TOP3A: variants seen among roughly 807,000 people sequenced by gnomAD.
The protein encoded by TOP3A is DNA topoisomerase III alpha, also known as DNA topoisomerase 3-alpha.
TOP3A carries 64 observed loss-of-function variants against 111.3 expected under a neutral mutation model. The observed-to-expected ratio is 0.57, with a 90% CI of 0.47 to 0.71. The LOEUF is 0.71. TOP3A is among the 30% of genes least tolerant of loss of function. The probability of loss-of-function intolerance (pLI) is 0.00; values close to 1 mark genes in which losing one functional copy is unlikely to be tolerated. For missense variants in TOP3A, 1,104 were observed against 1,285.0 expected (o/e 0.86, Z 2.15); for synonymous variants, 484 against 485.1 (o/e 1.00, Z 0.03).
In TOP3A at chr17:18,279,263, A is replaced by T. The variant is rs529283982; in HGVS notation, c.2145-906T>A. Among the ~76,000 whole-genome samples the T allele has an allele frequency of 1.4e-3, 209 of 149,624 alleles. No homozygotes were observed. In the South Asian group the frequency reaches 0.014, roughly 10 times the overall value. On this transcript the variant is annotated intron_variant, in intron 17 of 18. Transcript: ENST00000321105. ...CATTTACTAGAAATAAATTATTAAA[A>T]TTTTTTTTTTTGAGACAGAGTATCA...
In TOP3A at chr17:18,302,428, G is replaced by A. The variant is rs1039325534; in HGVS notation, c.650C>T (p.Ala217Val). 3.8e-6 allele frequency: 6 copies of A among 1,599,314 alleles called. No individual in the cohort carries two copies. The highest frequency in any genetic ancestry group is 1.7e-5 in the Admixed American group (1 of 58,316). ...RQELDLRIGA[A>V]FTRFQTLRLQ... ...CCGCAGGGTCTGGAACCTAGTAAAG[G>A]CAGCTCCTGGAGAGTGAAGGAGAGT... Residue 217 changes from alanine (A) to valine (V), a missense_variant, in exon 7 of 19, where the codon GCC becomes GTC. Coordinates refer to ENST00000321105, the MANE Select transcript of TOP3A (RefSeq NM_004618.5).
At chr17:18,308,825 G>A (rs1981742584) in intron 2 of TOP3A, 57 bp downstream of exon 2, 3 of 1,176,106 alleles carry the variant, frequency 2.6e-6, no homozygotes, top group Middle Eastern at 1.9e-4. Flanking sequence ...ATATGACGAG[G>A]CTGACTACTT....
chr17:18,287,696 A>T (rs561437164), intron 13 of TOP3A, among the ~76,000 whole-genome samples: 1 of 152,048 alleles, frequency 6.6e-6, no homozygotes, highest in East Asian at 1.9e-4. Flanking sequence ...TATCTCTCCA[A>T]AACAAATTTT....
chr17:18,280,687 A>C, intron 16 of TOP3A, 29 bp from the exon 17 acceptor site: 1 of 1,611,140 alleles, frequency 6.2e-7, no homozygotes, highest in Non-Finnish European at 8.5e-7. Flanking sequence ...GTCAGATGAT[A>C]GGAGTGCAGG....
At chr17:18,300,841 G>T (rs1181802095) in intron 8 of TOP3A, among the ~76,000 whole-genome samples, 1 of 152,220 alleles carries the variant, frequency 6.6e-6, no homozygotes, top group African/African-American at 2.4e-5. Context: ...AAAGGGTGGA[G>T]TGAGAGAGAG....
At chr17:18,305,521 G>A (rs986884175) in intron 4 of TOP3A, among the ~76,000 whole-genome samples, 2 of 151,764 alleles carry the variant, frequency 1.3e-5, no homozygotes, top group Non-Finnish European at 2.9e-5. Flanking sequence ...CACTTCGAGA[G>A]GTTCTGATTA....
intron 9 of TOP3A, among the ~76,000 whole-genome samples, chr17:18,298,345 C>G (rs1420801583): frequency 6.7e-6 from 1 of 148,378 alleles, no homozygotes; most frequent in Non-Finnish European, 1.5e-5. Context: ...AGGGTCAGCC[C>G]CCCGCCCGGC....
rs1981106707 is a variant in TOP3A at position 18,299,741 on chromosome 17, G to A, written c.916-108C>T. 5 of 1,023,334 alleles carry A rather than the reference G, an allele frequency of 4.9e-6. No individual in the cohort carries two copies. The Admixed American group carries it at 8.7e-5, about 18-fold the overall frequency. The allele number at this position is 1,023,334 out of a possible 1,614,324, so 63.4% of individuals were successfully genotyped here. A position where few individuals can be genotyped will look rare whatever the true frequency, so the allele number is the denominator to read the frequency against. On this transcript the variant is annotated intron_variant, in intron 8 of 18. Transcript: ENST00000321105. ...TTCTAGATCACACTGACCACCGCCAGCTAAGCCCGCAGTGACAGCCTAGAA... is the reference window on the plus strand; with the variant it reads ...TTCTAGATCACACTGACCACCGCCAACTAAGCCCGCAGTGACAGCCTAGAA...
intron 17 of TOP3A, 108 bp downstream of exon 17, chr17:18,280,428 C>A: frequency 7.5e-7 from 1 of 1,333,530 alleles, no homozygotes; most frequent in Non-Finnish European, 1.0e-6. Flanking sequence ...TACGCCCCTG[C>A]AGGGCCTGAG....
chr17:18,274,419 G>C lies in TOP3A; in HGVS notation c.*383C>G, dbSNP rs115214429. 0.024 allele frequency: 4,049 copies of C among 166,912 alleles called. 172 individuals carry two copies. Among genetic ancestry groups the C allele is most frequent in the African/African-American group, 0.085 (3,561 of 42,090 alleles). 10.3% of individuals were successfully genotyped at this position (166,912 alleles called of 1,614,324 possible). A position where few individuals can be genotyped will look rare whatever the true frequency, so the allele number is the denominator to read the frequency against. Reference sequence around the variant, plus strand: ...AGGGACTGCCCCATGAGTGCTGGTGGCTCACTTGGGGCTTTCTGCAGGTGA... The same window carrying C: ...AGGGACTGCCCCATGAGTGCTGGTGCCTCACTTGGGGCTTTCTGCAGGTGA... On this transcript the variant is annotated 3_prime_UTR_variant, in exon 19 of 19. Coordinates refer to ENST00000321105, the MANE Select transcript of TOP3A (RefSeq NM_004618.5).
In TOP3A at chr17:18,272,999, A is replaced by C. The variant is rs1979091430; in HGVS notation, c.*1803T>G. ...CAAAATATCCAGAGTAGGTAAACCCACAGAGACAAAAAGTGGTTGGTGGTA... is the reference window on the plus strand; with the variant it reads ...CAAAATATCCAGAGTAGGTAAACCCCCAGAGACAAAAAGTGGTTGGTGGTA... On this transcript the variant is annotated 3_prime_UTR_variant, in exon 19 of 19. Transcript: ENST00000321105. 6.6e-6 allele frequency: 1 copy of C among 152,184 alleles called. No homozygotes were observed. The highest frequency in any genetic ancestry group is 1.5e-5 in the Non-Finnish European group (1 of 68,030). The allele number at this position is 152,184 out of a possible 1,614,324, so 9.4% of individuals were successfully genotyped here.
intron 9 of TOP3A, 100 bp from the exon 10 acceptor site, chr17:18,294,885 TC>T: frequency 1.3e-6 from 1 of 759,778 alleles, no homozygotes; most frequent in South Asian, 1.6e-5. Flanking sequence ...CCCGTGTCAC[TC>T]CAGGTGCTTC....
chr17:18,294,702 C>A lies in TOP3A; in HGVS notation c.1073+1G>T. The A allele has an allele frequency of 5.0e-6, 8 of 1,608,514 alleles. No homozygotes were observed. Among genetic ancestry groups the A allele is most frequent in the Non-Finnish European group, 6.8e-6 (8 of 1,175,030 alleles). On this transcript the variant is annotated splice_donor_variant, in intron 10 of 18. Transcript: ENST00000321105. LOFTEE classifies it high-confidence loss of function. ...TCTACTCCCAAACCCAAAATACTTA[C>A]CCTTGAGTGTAGAGCTTCTCAGCAA...
chr17:18,291,871 G>A (rs1301311596), intron 11 of TOP3A, among the ~76,000 whole-genome samples: 2 of 152,080 alleles, frequency 1.3e-5, no homozygotes, highest in East Asian at 1.9e-4. Flanking sequence ...ATGCCACCCC[G>A]TCCAACTAAT....
intron 8 of TOP3A, among the ~76,000 whole-genome samples, chr17:18,301,543 G>A (rs937036587): frequency 6.6e-6 from 1 of 152,250 alleles, no homozygotes; most frequent in Non-Finnish European, 1.5e-5. Flanking sequence ...AGAGGGGGCT[G>A]AGCCAAATGC....
Position 18,302,965 on chromosome 17 carries a change from G to A in TOP3A, c.500-242C>T, listed in dbSNP as rs1024127360. The A allele has an allele frequency of 3.5e-5, 16 of 451,094 alleles. No homozygotes were observed. The Admixed American group carries it at 6.3e-4, about 18-fold the overall frequency. 27.9% of individuals were successfully genotyped at this position (451,094 alleles called of 1,614,324 possible). A position where few individuals can be genotyped will look rare whatever the true frequency, so the allele number is the denominator to read the frequency against. The stretch of plus-strand genomic sequence containing the variant: ...ATGGAGTTAATTTTAGCTAGTAACT[G>A]TGGGGAAAAGAGAGATCAGATCGTT... On this transcript the variant is annotated intron_variant, in intron 5 of 18. Coordinates refer to ENST00000321105, the MANE Select transcript of TOP3A (RefSeq NM_004618.5).
intron 9 of TOP3A, among the ~76,000 whole-genome samples, chr17:18,297,756 G>A (rs1173064468): frequency 5.9e-5 from 9 of 152,016 alleles, no homozygotes; most frequent in Non-Finnish European, 1.2e-4. Context: ...GTGCAGTGGC[G>A]TGATCTCGGC....
chr17:18,290,441 G>A, intron 13 of TOP3A, 116 bp downstream of exon 13: 1 of 1,191,298 alleles, frequency 8.4e-7, no homozygotes, highest in Non-Finnish European at 1.1e-6. Context: ...ACTATAAAAT[G>A]GGATAAAGAT....
intron 13 of TOP3A, among the ~76,000 whole-genome samples, chr17:18,286,975 T>G (rs1345108233): frequency 1.3e-5 from 2 of 152,102 alleles, no homozygotes; most frequent in African/African-American, 2.4e-5. Flanking sequence ...GTAGAGAAAG[T>G]GTTTCACCAT....
Sources: allele counts gnomAD v4.1 joint callset (sites outside exome capture counted in the v4.1 genomes callset), GRCh38; gene constraint gnomAD v4.1.1; transcripts MANE v1.5; gene names NCBI Gene and HGNC (gene_info 2026-07-23, HGNC 2026-07-21).